The following ARFGEF1 variants were observed in gnomAD, a reference collection of about 807,000 sequenced individuals.
The protein encoded by ARFGEF1 is ARF guanine nucleotide exchange factor 1.
A neutral mutation model predicts 231.0 loss-of-function variants in ARFGEF1; 42 were observed. The observed-to-expected ratio is 0.18, with a 90% CI of 0.14 to 0.24. The LOEUF (loss-of-function observed/expected upper bound fraction) is 0.24. Ranked by LOEUF, ARFGEF1 falls within the 10% of genes least tolerant of loss-of-function variation. ARFGEF1 has a pLI of 1.00. For missense variants in ARFGEF1, 1,345 were observed against 2,192.0 expected (o/e 0.61, Z 7.72); for synonymous variants, 710 against 732.3 (o/e 0.97, Z 0.49).
chr8:67,217,265 A>C (rs1052004629), intron 32 of ARFGEF1, among the ~76,000 whole-genome samples: 3 of 150,342 alleles, frequency 2.0e-5, no homozygotes, highest in Non-Finnish European at 4.4e-5. Context: ...GATTGCGCCA[A>C]TGCACTCCAG....
intron 1 of ARFGEF1, among the ~76,000 whole-genome samples, chr8:67,317,789 C>T: frequency 6.6e-6 from 1 of 151,072 alleles, no homozygotes; most frequent in East Asian, 2.0e-4. Context: ...GTCCCAGCTA[C>T]TCGGGAGGCT....
chr8:67,341,463 G>C (rs146295779), intron 1 of ARFGEF1, among the ~76,000 whole-genome samples: 1 of 151,432 alleles, frequency 6.6e-6, no homozygotes. Flanking sequence ...GCCAGGTGTG[G>C]TGGTGTGCCT....
At chr8:67,184,381 G>A (rs1833848602) in intron 5 of ARFGEF1, among the ~76,000 whole-genome samples, 1 of 152,156 alleles carries the variant, frequency 6.6e-6, no homozygotes, top group Admixed American at 6.5e-5. Context: ...TTATTTCTGA[G>A]AAGATCAGTA....
chr8:67,287,895 C>G, intron 7 of ARFGEF1, 60 bp downstream of exon 7: 1 of 1,170,358 alleles, frequency 8.5e-7, no homozygotes, highest in East Asian at 2.8e-5. Flanking sequence ...ATTACAAAGT[C>G]TCCACAGTCA....
chr8:67,288,916 A>T (rs929190972), intron 6 of ARFGEF1, among the ~76,000 whole-genome samples: 6 of 152,078 alleles, frequency 3.9e-5, no homozygotes, highest in African/African-American at 1.4e-4. Context: ...TAAGAAGCTA[A>T]AAAAGAATTC....
At chr8:67,295,794 A>C (rs1294080581) in intron 5 of ARFGEF1, among the ~76,000 whole-genome samples, 1 of 152,168 alleles carries the variant, frequency 6.6e-6, no homozygotes, top group Non-Finnish European at 1.5e-5. Context: ...TGTACTATGT[A>C]GGTATGTAAG....
Position 67,343,195 on chromosome 8 carries a change from G to A in ARFGEF1, c.93C>T (p.Ser31=). 2 of 1,613,018 alleles carry A rather than the reference G, an allele frequency of 1.2e-6. No homozygotes were observed. Among genetic ancestry groups the A allele is most frequent in the African/African-American group, 1.3e-5 (1 of 74,950 alleles). Residue 31 remains serine, a synonymous_variant, in exon 1 of 39, where the codon TCC becomes TCT. Transcript: ENST00000262215. ...CCACCTCGCAAGCTTTGCGCAGCTG[G>A]GAGTGATGCGCCTTCTTCACTTCCT... is the stretch of plus-strand genomic sequence containing the variant. ...ADKEVKKAHH[S]QLRKACEVAL... is the part of the protein sequence containing the mutation.
In ARFGEF1 at chr8:67,335,765, G is replaced by C. The variant is rs76483353; in HGVS notation, c.124+7399C>G. On this transcript the variant is annotated intron_variant, in intron 1 of 38. Transcript: ENST00000262215. ...TTAAAGATTTTCTTTTTTTTTTTTT[G>C]AGACGGACTCTCGCACTGTCTCTCG... Among the ~76,000 whole-genome samples, 6 of 128,940 alleles carry C rather than the reference G, an allele frequency of 4.7e-5. No individual in the cohort carries two copies. The Admixed American group carries it at 4.8e-4, about 10-fold the overall frequency. 84.6% of individuals were successfully genotyped at this position (128,940 alleles called of 152,430 possible).
chr8:67,320,595 G>C, intron 1 of ARFGEF1, among the ~76,000 whole-genome samples: 1 of 152,126 alleles, frequency 6.6e-6, no homozygotes, highest in Non-Finnish European at 1.5e-5. Context: ...GCCAAAACTG[G>C]AAACAACTCA....
intron 1 of ARFGEF1, among the ~76,000 whole-genome samples, chr8:67,307,454 A>G (rs910068095): frequency 6.6e-6 from 1 of 152,228 alleles, no homozygotes; most frequent in Non-Finnish European, 1.5e-5. Context: ...AGTAAATGTA[A>G]ATTCCACGGA....
rs1406844180 is a variant in ARFGEF1 at position 67,226,066 on chromosome 8, C to T, written c.4034G>A (p.Arg1345Gln). The change falls in exon 28 of 39, where the codon CGA becomes CAA. Residue 1345 changes from arginine (R) to glutamine (Q), a missense_variant. Arg to Gln is a conservative substitution (Grantham distance 43). Transcript: ENST00000262215. Reference protein sequence around the residue: ...AFPDTSMEAIRLIRHCAKYVS... With the variant: ...AFPDTSMEAIQLIRHCAKYVS... ...ATATTTTGCACAATGGCGAATAAGT[C>T]GAATTGCTTCCATACTTGTGTCTGG... The T allele has an allele frequency of 3.1e-6, 5 of 1,612,856 alleles. No individual in the cohort carries two copies. The highest frequency in any genetic ancestry group is 4.2e-6 in the Non-Finnish European group (5 of 1,179,354).
rs115008798 is a variant in ARFGEF1, at chr8:67,265,370, G to C, written c.2123+636C>G. On this transcript the variant is annotated intron_variant, in intron 14 of 38. Transcript: ENST00000262215. ...TTATAATAGTTAGATTCATGGAGAC[G>C]GCAAACAATTTCATTTTTCCTTATG... 8.5e-4 allele frequency among the ~76,000 whole-genome samples: 130 copies of C among 152,144 alleles called. 1 individual carries two copies. Among genetic ancestry groups the C allele is most frequent in the African/African-American group, 3.1e-3 (127 of 41,522 alleles).
At chr8:67,302,790 CA>C (rs1438440090) in intron 1 of ARFGEF1, among the ~76,000 whole-genome samples, 1 of 150,730 alleles carries the variant, frequency 6.6e-6, no homozygotes, top group Non-Finnish European at 1.5e-5. Flanking sequence ...ATATTAAGAA[CA>C]GGGCCAAGTT....
At chr8:67,220,596 G>A (rs888450260) in intron 29 of ARFGEF1, among the ~76,000 whole-genome samples, 2 of 152,140 alleles carry the variant, frequency 1.3e-5, no homozygotes, top group Non-Finnish European at 2.9e-5. Flanking sequence ...TACTAGCAGT[G>A]GTAAAGAAAC....
intron 1 of ARFGEF1, among the ~76,000 whole-genome samples, chr8:67,314,614 A>G (rs1807220933): frequency 6.6e-6 from 1 of 151,238 alleles, no homozygotes; most frequent in African/African-American, 2.4e-5. Flanking sequence ...CACTCACAGT[A>G]TTTGGGGGCC....
intron 5 of ARFGEF1, among the ~76,000 whole-genome samples, chr8:67,181,959 A>G (rs1833162962): frequency 6.6e-6 from 1 of 152,204 alleles, no homozygotes; most frequent in South Asian, 2.1e-4. Context: ...TTCACTTCAC[A>G]TAACATCTTT....
rs375000682 is a variant in ARFGEF1 at position 67,287,939 on chromosome 8, G to C, written c.1027+16C>G. ...CCCATAGACAGAGTAAAATAATTTTGAATGAAGTATACTACCTCCAACAAC... is the reference window on the plus strand; with the variant it reads ...CCCATAGACAGAGTAAAATAATTTTCAATGAAGTATACTACCTCCAACAAC... On this transcript the variant is annotated intron_variant, in intron 7 of 38. Coordinates refer to ENST00000262215, the MANE Select transcript of ARFGEF1 (RefSeq NM_006421.5). The C allele has an allele frequency of 2.0e-6, 3 of 1,512,454 alleles. No individual in the cohort carries two copies. The African/African-American group carries it at 4.3e-5, about 22-fold the overall frequency. The allele number at this position is 1,512,454 out of a possible 1,614,324, so 93.7% of individuals were successfully genotyped here.
At chr8:67,304,369 T>C (rs1267717634) in intron 1 of ARFGEF1, among the ~76,000 whole-genome samples, 2 of 152,238 alleles carry the variant, frequency 1.3e-5, no homozygotes, top group African/African-American at 4.8e-5. Flanking sequence ...TTCCATTTTA[T>C]TACTGGTAGA....
At chr8:67,219,285 G>A (rs2128866794) in intron 30 of ARFGEF1, 146 bp downstream of exon 30, 3 of 909,856 alleles carry the variant, frequency 3.3e-6, no homozygotes, top group Middle Eastern at 3.6e-4. Flanking sequence ...TATTTATAAA[G>A]ACATAGTATT....
Sources: allele counts gnomAD v4.1 joint callset (sites outside exome capture counted in the v4.1 genomes callset), GRCh38; gene constraint gnomAD v4.1.1; transcripts MANE v1.5; gene names NCBI Gene and HGNC (gene_info 2026-07-23, HGNC 2026-07-21).